Variants in DLG2 observed in about 807,000 individuals in gnomAD.
DLG2 encodes the protein discs large MAGUK scaffold protein 2.
Under a neutral mutation model 132.5 loss-of-function variants are expected in DLG2, and 45 were observed. That is an observed-to-expected ratio of 0.34 (90% confidence interval 0.27 to 0.44). The LOEUF (loss-of-function observed/expected upper bound fraction) is 0.44. Ranked by LOEUF, DLG2 falls within the 20% of genes least tolerant of loss-of-function variation. The pLI is 1.00. For missense variants in DLG2, 1,045 were observed against 1,196.9 expected, an observed-to-expected ratio of 0.87 and a Z score of 1.87; for synonymous variants, 424 against 419.6, an observed-to-expected ratio of 1.01 and a Z score of -0.13.
At chr11:83,970,971 AG>A (rs1449004407) in intron 12 of DLG2, among the ~76,000 whole-genome samples, 1 of 152,182 alleles carries the variant, frequency 6.6e-6, no homozygotes, top group Non-Finnish European at 1.5e-5. Context: ...TTTCCACAAA[AG>A]TGAGTTTGTT....
chr11:85,411,718 G>A (rs559307132), intron 3 of DLG2, among the ~76,000 whole-genome samples: 1 of 151,970 alleles, frequency 6.6e-6, no homozygotes, highest in African/African-American at 2.4e-5. Flanking sequence ...TGATGGGAGT[G>A]ATAAGCGGTG....
intron 3 of DLG2, among the ~76,000 whole-genome samples, chr11:85,530,566 C>A (rs1310858848): frequency 2.0e-5 from 3 of 152,076 alleles, no homozygotes; most frequent in Non-Finnish European, 4.4e-5. Context: ...TGTCATCTGC[C>A]CACCTCGGCC....
chr11:84,826,473 T>C (rs1487628629), intron 6 of DLG2, among the ~76,000 whole-genome samples: 3 of 151,916 alleles, frequency 2.0e-5, no homozygotes, highest in South Asian at 2.1e-4. Context: ...ACATAGCTTG[T>C]AGTTCTGTGC....
intron 9 of DLG2, among the ~76,000 whole-genome samples, chr11:84,103,549 T>G (rs1028762630): frequency 6.6e-6 from 1 of 152,132 alleles, no homozygotes; most frequent in Admixed American, 6.6e-5. Flanking sequence ...GTCCTTGCAG[T>G]TGGGAAGATT....
chr11:84,155,144 T>C (rs956641785), intron 9 of DLG2, among the ~76,000 whole-genome samples: 2 of 152,232 alleles, frequency 1.3e-5, no homozygotes, highest in African/African-American at 4.8e-5. Context: ...AATTGTGGTA[T>C]ATATTGAGTA....
intron 18 of DLG2, among the ~76,000 whole-genome samples, chr11:83,640,379 T>C (rs2066154911): frequency 6.6e-6 from 1 of 152,198 alleles, no homozygotes; most frequent in African/African-American, 2.4e-5. Context: ...TTTACCTGGA[T>C]GTGACCCTCA....
At chr11:84,582,456 C>A (rs1334187113) in intron 6 of DLG2, among the ~76,000 whole-genome samples, 8 of 147,468 alleles carry the variant, frequency 5.4e-5, no homozygotes, top group Admixed American at 1.4e-4. Flanking sequence ...TATGTATATG[C>A]GTATATATAC....
At chr11:84,725,153 C>G (rs1405261866) in intron 6 of DLG2, among the ~76,000 whole-genome samples, 12 of 152,088 alleles carry the variant, frequency 7.9e-5, no homozygotes, top group Non-Finnish European at 1.6e-4. Context: ...GCCAAGCCAC[C>G]TGATTTGAGG....
intron 7 of DLG2, among the ~76,000 whole-genome samples, chr11:84,402,551 C>G (rs1415452242): frequency 7.3e-6 from 1 of 137,270 alleles, no homozygotes; most frequent in Non-Finnish European, 1.6e-5. Context: ...TCCTTCATGT[C>G]AAAAAAAAAA....
chr11:84,677,831 G>C (rs906427277), intron 6 of DLG2, among the ~76,000 whole-genome samples: 2 of 152,076 alleles, frequency 1.3e-5, no homozygotes, highest in Non-Finnish European at 2.9e-5. Flanking sequence ...TTCCATTGCA[G>C]TGAACTATGA....
chr11:84,935,232 C>G (rs79430740), intron 6 of DLG2, among the ~76,000 whole-genome samples: 1 of 152,128 alleles, frequency 6.6e-6, no homozygotes, highest in African/African-American at 2.4e-5. Flanking sequence ...GCAGAAATCA[C>G]CTAAATGTTT....
chr11:84,501,521 G>A (rs893067909), intron 7 of DLG2, among the ~76,000 whole-genome samples: 1 of 152,218 alleles, frequency 6.6e-6, no homozygotes. Flanking sequence ...AGCTGAGATC[G>A]TGCTAATGCA....
At chr11:84,777,145 ATTTGACTTTCTGTG>A (rs1438606454) in intron 6 of DLG2, among the ~76,000 whole-genome samples, 1 of 151,414 alleles carries the variant, frequency 6.6e-6, no homozygotes, top group Non-Finnish European at 1.5e-5. Flanking sequence ...AACATGCAAT[ATTTGACTTTCTGTG>A]TTTGACTTTC....
chr11:83,598,861 A>G (rs568778397), intron 19 of DLG2, among the ~76,000 whole-genome samples: 8 of 152,352 alleles, frequency 5.3e-5, no homozygotes, highest in South Asian at 2.1e-4. Flanking sequence ...TGTATCATGC[A>G]GTAGTATCTT....
chr11:84,229,280 T>C (rs913688270), intron 8 of DLG2, among the ~76,000 whole-genome samples: 6 of 152,166 alleles, frequency 3.9e-5, no homozygotes, highest in African/African-American at 1.4e-4. Flanking sequence ...TTTAAAATGT[T>C]CTTCTTGCTT....
intron 19 of DLG2, among the ~76,000 whole-genome samples, chr11:83,545,197 T>C (rs1234245640): frequency 1.4e-4 from 22 of 152,162 alleles, no homozygotes. Context: ...CTTAGGCAAG[T>C]TACTTAACCC....
chr11:84,801,342 G>T (rs2075347209), intron 6 of DLG2, among the ~76,000 whole-genome samples: 1 of 152,138 alleles, frequency 6.6e-6, no homozygotes, highest in African/African-American at 2.4e-5. Context: ...GGCCGAGGCG[G>T]GCGGATCACG....
At chr11:85,459,129 G>A (rs894238306) in intron 3 of DLG2, among the ~76,000 whole-genome samples, 7 of 152,170 alleles carry the variant, frequency 4.6e-5, no homozygotes, top group African/African-American at 9.7e-5. Context: ...CTGGAGGTGT[G>A]GTTAAAGCAC....
At chr11:85,394,050 A>C (rs529780518) in intron 3 of DLG2, among the ~76,000 whole-genome samples, 1 of 152,120 alleles carries the variant, frequency 6.6e-6, no homozygotes, top group African/African-American at 2.4e-5. Flanking sequence ...CCCCAAAAAA[A>C]CCTATTGAAA....
Sources: gnomAD v4.1 joint callset for allele counts (sites outside exome capture counted in the v4.1 genomes callset) on GRCh38, gnomAD v4.1.1 for gene constraint, MANE v1.5 for transcripts, NCBI Gene and HGNC (gene_info 2026-07-23, HGNC 2026-07-21) for gene names.